Variants in ZNF536 observed in about 807,000 individuals in gnomAD.
The protein encoded by ZNF536 is zinc finger protein 536.
In ZNF536, 13 loss-of-function variants were observed where a neutral mutation model predicts 84.5. The observed-to-expected ratio is 0.15, with a 90% CI of 0.10 to 0.24. ZNF536 has a LOEUF of 0.24. ZNF536 is among the 10% of genes least tolerant of loss of function. ZNF536 has a pLI of 1.00. For synonymous variants in ZNF536, 811 were observed against 742.5 expected, an observed-to-expected ratio of 1.09 and a Z score of -1.50; for missense variants, 1,536 against 1,747.5, an observed-to-expected ratio of 0.88 and a Z score of 2.16.
At chr19:30,701,271 A>G (rs1348226877) in intron 1 of ZNF536, among the ~76,000 whole-genome samples, 1 of 151,746 alleles carries the variant, frequency 6.6e-6, no homozygotes, top group African/African-American at 2.4e-5. Context: ...ACACACAGAC[A>G]CAGACGCATA....
At chr19:30,251,057 G>C (rs769288758) in intron 1 of ZNF536, among the ~76,000 whole-genome samples, 1 of 152,024 alleles carries the variant, frequency 6.6e-6, no homozygotes, top group Non-Finnish European at 1.5e-5. Context: ...TGTGGGGTCT[G>C]TCTGCTTCCC....
At chr19:30,673,724 C>T (rs1163340484) in intron 1 of ZNF536, among the ~76,000 whole-genome samples, 3 of 152,222 alleles carry the variant, frequency 2.0e-5, no homozygotes, top group Non-Finnish European at 2.9e-5. Flanking sequence ...CACATGCGTG[C>T]CCACCACCCC....
At chr19:30,326,755 A>AT (rs965306767) in intron 2 of ZNF536, among the ~76,000 whole-genome samples, 6 of 42,086 alleles carry the variant, frequency 1.4e-4, no homozygotes, top group South Asian at 8.2e-4. Context: ...ACACGCGATG[A>AT]TTTTTTTTTA....
intron 1 of ZNF536, among the ~76,000 whole-genome samples, chr19:30,564,042 G>A (rs1046660213): frequency 2.6e-5 from 4 of 152,126 alleles, no homozygotes; most frequent in Non-Finnish European, 5.9e-5. Context: ...AGGGCTAAGG[G>A]GACCAGAAAA....
At chr19:30,678,945 T>C (rs534387208) in intron 1 of ZNF536, among the ~76,000 whole-genome samples, 3 of 151,760 alleles carry the variant, frequency 2.0e-5, no homozygotes, top group East Asian at 3.9e-4. Context: ...TAAAAAGAAA[T>C]GAATAAAATA....
At chr19:30,573,072 C>T (rs2046608537) in intron 1 of ZNF536, among the ~76,000 whole-genome samples, 1 of 152,146 alleles carries the variant, frequency 6.6e-6, no homozygotes, top group South Asian at 2.1e-4. Context: ...ACAGGAAAGA[C>T]AAAGACCCTC....
At chr19:30,494,875 G>A (rs2054652318) in intron 2 of ZNF536, among the ~76,000 whole-genome samples, 1 of 150,844 alleles carries the variant, frequency 6.6e-6, no homozygotes, top group Admixed American at 6.6e-5. Flanking sequence ...GAACCTGGGA[G>A]GTGGAGGTTG....
intron 1 of ZNF536, among the ~76,000 whole-genome samples, chr19:30,646,518 T>C (rs1183144497): frequency 6.6e-6 from 1 of 152,232 alleles, no homozygotes; most frequent in East Asian, 1.9e-4. Flanking sequence ...TGCTTCTGCA[T>C]GAAGCCATCG....
chr19:30,537,164 CAG>C (rs1354099673), intron 3 of ZNF536, among the ~76,000 whole-genome samples: 2 of 152,230 alleles, frequency 1.3e-5, no homozygotes, highest in Non-Finnish European at 2.9e-5. Context: ...GGTAGGCACT[CAG>C]AAAGTATTTG....
At chr19:30,423,147 ATCC>A (rs2051054644) in intron 1 of ZNF536, among the ~76,000 whole-genome samples, 2 of 140,920 alleles carry the variant, frequency 1.4e-5, no homozygotes, top group African/African-American at 5.3e-5. Flanking sequence ...CCATCCATCC[ATCC>A]AACCATCCAT....
chr19:30,498,838 G>A (rs988390086), intron 2 of ZNF536, among the ~76,000 whole-genome samples: 3 of 152,060 alleles, frequency 2.0e-5, no homozygotes, highest in Non-Finnish European at 4.4e-5. Flanking sequence ...GTCTGAGGCT[G>A]CAGTCCTCCG....
intron 2 of ZNF536, among the ~76,000 whole-genome samples, chr19:30,520,691 C>T (rs2044284815): frequency 6.6e-6 from 1 of 152,000 alleles, no homozygotes; most frequent in Non-Finnish European, 1.5e-5. Context: ...TTTGGAGGAT[C>T]CTATGGTGAC....
intron 2 of ZNF536, among the ~76,000 whole-genome samples, chr19:30,446,967 A>G (rs897498464): frequency 6.6e-6 from 1 of 152,238 alleles, no homozygotes; most frequent in African/African-American, 2.4e-5. Context: ...CTAGCCCTTT[A>G]TAAAGAAAGC....
chr19:30,629,760 T>C (rs1457435128), intron 1 of ZNF536, among the ~76,000 whole-genome samples: 3 of 152,218 alleles, frequency 2.0e-5, no homozygotes, highest in African/African-American at 4.8e-5. Flanking sequence ...GGCTCCCCTA[T>C]GCCGTTTGTC....
In ZNF536 at chr19:30,548,265, A is replaced by T. The variant is rs2045633448; in HGVS notation, c.2646A>T (p.Ser882=). 6.2e-7 allele frequency: 1 copy of T among 1,614,104 alleles called. No individual in the cohort carries two copies. The highest frequency in any genetic ancestry group is 1.3e-5 in the African/African-American group (1 of 74,952). Residue 882 remains serine, a synonymous_variant, in exon 4 of 5, where the codon TCA becomes TCT. Coordinates refer to ENST00000355537, the MANE Select transcript of ZNF536 (RefSeq NM_014717.3). ...QATGMSSEVP[S]DALKGTDLPS... ...CGGGCATGTCTTCGGAGGTCCCCTCAGATGCTCTGAAAGGCACTGACCTTC... is the reference window on the plus strand; with the variant it reads ...CGGGCATGTCTTCGGAGGTCCCCTCTGATGCTCTGAAAGGCACTGACCTTC...
intron 4 of ZNF536, chr19:30,555,740 A>C (rs1338538372): frequency 1.3e-5 from 2 of 152,228 alleles, no homozygotes; most frequent in African/African-American, 4.8e-5. Context: ...GCTGTGATAC[A>C]CAGGCTATGG....
At chr19:30,462,292 TTGTGTGTGTGAGTG>T (rs1490698874) in intron 2 of ZNF536, among the ~76,000 whole-genome samples, 1 of 143,998 alleles carries the variant, frequency 6.9e-6, no homozygotes, top group Non-Finnish European at 1.5e-5. Flanking sequence ...TCTTGTGATT[TTGTGTGTGTGAGTG>T]TGTGTGTGTG....
chr19:30,625,660 T>G (rs1249141612), intron 1 of ZNF536, among the ~76,000 whole-genome samples: 29 of 152,302 alleles, frequency 1.9e-4, no homozygotes, highest in Non-Finnish European at 2.2e-4. Flanking sequence ...AATTATCTAA[T>G]CTCCAGGATC....
intron 1 of ZNF536, among the ~76,000 whole-genome samples, chr19:30,380,447 C>A (rs552035078): frequency 6.6e-6 from 1 of 152,148 alleles, no homozygotes; most frequent in African/African-American, 2.4e-5. Context: ...GGAGAACCCA[C>A]GGCTCGGCCC....
Sources: gnomAD v4.1 joint callset for allele counts (sites outside exome capture counted in the v4.1 genomes callset) on GRCh38, gnomAD v4.1.1 for gene constraint, MANE v1.5 for transcripts, NCBI Gene and HGNC (gene_info 2026-07-23, HGNC 2026-07-21) for gene names.